KPNA3: variants seen among roughly 807,000 people sequenced by gnomAD.
KPNA3 encodes the protein karyopherin subunit alpha 3.
In KPNA3, 13 loss-of-function variants were observed where a neutral mutation model predicts 73.8. The observed-to-expected ratio is 0.18, with a 90% CI of 0.11 to 0.28. The LOEUF (loss-of-function observed/expected upper bound fraction) is 0.28. Among genes scored for constraint, KPNA3 ranks in the 10% least tolerant of loss-of-function variants. KPNA3 has a pLI of 1.00. For synonymous variants in KPNA3, 186 were observed against 206.9 expected, an observed-to-expected ratio of 0.90 and a Z score of 0.87; for missense variants, 360 against 618.1, an observed-to-expected ratio of 0.58 and a Z score of 4.43.
At chr13:49,723,921 G>C (rs891436122) in intron 7 of KPNA3, among the ~76,000 whole-genome samples, 29 of 151,622 alleles carry the variant, frequency 1.9e-4, no homozygotes, top group Admixed American at 6.6e-4. Context: ...CATACTTAAG[G>C]CAGTCATTCC....
intron 2 of KPNA3, among the ~76,000 whole-genome samples, chr13:49,740,936 A>G (rs969866647): frequency 7.9e-5 from 12 of 152,036 alleles, no homozygotes; most frequent in African/African-American, 1.9e-4. Context: ...CTGGTAATGT[A>G]ATGTCCTCCA....
chr13:49,709,916 T>C (rs556791790), intron 11 of KPNA3, among the ~76,000 whole-genome samples: 1 of 152,012 alleles, frequency 6.6e-6, no homozygotes, highest in South Asian at 2.1e-4. Context: ...GTGTGAAAAT[T>C]GGTTGGAAAA....
intron 12 of KPNA3, 37 bp from the exon 13 acceptor site, chr13:49,706,409 A>C: frequency 2.3e-6 from 3 of 1,330,002 alleles, no homozygotes; most frequent in Non-Finnish European, 3.2e-6. Flanking sequence ...CTTTATTTGA[A>C]AAATAATACC....
intron 16 of KPNA3, 116 bp downstream of exon 16, chr13:49,702,269 AG>A: frequency 1.6e-6 from 1 of 640,452 alleles, no homozygotes; most frequent in East Asian, 3.0e-5. Flanking sequence ...AATGTCTAAT[AG>A]AAATACAGTA....
At chr13:49,733,203 G>A (rs2137555493) in intron 2 of KPNA3, among the ~76,000 whole-genome samples, 157 bp from the exon 3 acceptor site, 1 of 151,888 alleles carries the variant, frequency 6.6e-6, no homozygotes, top group East Asian at 1.9e-4. Context: ...CCAATGACAA[G>A]GGTCACATTC....
chr13:49,762,916 GGC>G lies in KPNA3; in HGVS notation c.70-15925_70-15924del, dbSNP rs1566355377. On this transcript the variant is annotated intron_variant, in intron 1 of 16. Transcript: ENST00000261667. ...AATAAATAAAGTTTACACCAAGGCT[GGC>G]TTAAAAAACAAAAAAAGAAGAGGAG... is the stretch of plus-strand genomic sequence containing the variant. 3.8e-4 allele frequency among the ~76,000 whole-genome samples: 25 copies of G among 65,694 alleles called. 1 individual carries two copies. Among genetic ancestry groups the G allele is most frequent in the Middle Eastern group, 8.3e-3 (1 of 120 alleles). The allele number at this position is 65,694 out of a possible 152,430, so 43.1% of individuals were successfully genotyped here.
chr13:49,740,793 T>A, intron 2 of KPNA3, among the ~76,000 whole-genome samples: 1 of 152,126 alleles, frequency 6.6e-6, no homozygotes, highest in Non-Finnish European at 1.5e-5. Context: ...TGAATCAATA[T>A]CTCCCCAAAT....
chr13:49,766,042 GT>G (rs531565246), intron 1 of KPNA3, among the ~76,000 whole-genome samples: 43 of 152,214 alleles, frequency 2.8e-4, no homozygotes, highest in African/African-American at 1.0e-3. Context: ...TTAATTTACT[GT>G]TTTCACCTTA....
At chr13:49,746,399 G>A (rs1168352198) in intron 2 of KPNA3, among the ~76,000 whole-genome samples, 1 of 152,044 alleles carries the variant, frequency 6.6e-6, no homozygotes, top group African/African-American at 2.4e-5. Flanking sequence ...GATCACTTGA[G>A]CCCGGGAGGT....
chr13:49,725,619 A>T, intron 6 of KPNA3, 118 bp from the exon 7 acceptor site: 1 of 575,228 alleles, frequency 1.7e-6, no homozygotes, highest in Non-Finnish European at 2.8e-6. Context: ...ACCTTGTTAT[A>T]ATCCAATTGC....
intron 6 of KPNA3, among the ~76,000 whole-genome samples, chr13:49,731,269 T>TTTTTTGG (rs1954466993): frequency 7.1e-6 from 1 of 140,710 alleles, no homozygotes. Flanking sequence ...TTTTTTTTTT[T>TTTTTTGG]GTAGAGCTGG....
chr13:49,731,578 A>G (rs1359488352), intron 6 of KPNA3, among the ~76,000 whole-genome samples: 1 of 152,122 alleles, frequency 6.6e-6, no homozygotes, highest in Non-Finnish European at 1.5e-5. Context: ...ACATTTATAT[A>G]CCACTATTCT....
chr13:49,766,387 T>G (rs1954808047), intron 1 of KPNA3, among the ~76,000 whole-genome samples: 1 of 152,220 alleles, frequency 6.6e-6, no homozygotes, highest in Admixed American at 6.5e-5. Context: ...TCTGATTACC[T>G]CTATTGCTGA....
chr13:49,725,087 TGAG>T (rs1224630508), intron 7 of KPNA3, among the ~76,000 whole-genome samples: 1 of 152,194 alleles, frequency 6.6e-6, no homozygotes, highest in Non-Finnish European at 1.5e-5. Context: ...TAGCCCATCT[TGAG>T]GAAAGTAAAA....
intron 1 of KPNA3, among the ~76,000 whole-genome samples, chr13:49,752,983 C>T (rs1489530840): frequency 1.5e-5 from 2 of 129,560 alleles, no homozygotes; most frequent in African/African-American, 2.9e-5. Context: ...GCCGAGATTG[C>T]GCCATTGCAC....
At chr13:49,721,840 A>G in intron 9 of KPNA3, 115 bp downstream of exon 9, 1 of 694,042 alleles carries the variant, frequency 1.4e-6, no homozygotes, top group Non-Finnish European at 2.2e-6. Context: ...AACAAACAAA[A>G]AACTCACACC....
chr13:49,740,180 G>C (rs1954560481), intron 2 of KPNA3, among the ~76,000 whole-genome samples: 1 of 151,748 alleles, frequency 6.6e-6, no homozygotes, highest in Non-Finnish European at 1.5e-5. Flanking sequence ...CTGGGAGGCA[G>C]AAGTTGCAGC....
intron 6 of KPNA3, among the ~76,000 whole-genome samples, chr13:49,726,311 G>A (rs900091400): frequency 2.6e-5 from 4 of 152,074 alleles, no homozygotes; most frequent in South Asian, 2.1e-4. Context: ...TTATATTTTC[G>A]AATAGTAATG....
intron 2 of KPNA3, among the ~76,000 whole-genome samples, chr13:49,737,550 AGTGTGTGTGTCTGTGTGTGTGTGTGTGT>A (rs1345857565): frequency 1.3e-4 from 16 of 124,618 alleles, no homozygotes; most frequent in Middle Eastern, 4.0e-3. Flanking sequence ...CTTACTATTA[AGTGTGTGTGTCTGTGTGTGTGTGTGTGT>A]GTGTGTGTGT....
Sources: allele counts gnomAD v4.1 joint callset (sites outside exome capture counted in the v4.1 genomes callset), GRCh38; gene constraint gnomAD v4.1.1; transcripts MANE v1.5; gene names NCBI Gene and HGNC (gene_info 2026-07-23, HGNC 2026-07-21).